Variants in ZNF66 observed in about 807,000 individuals in gnomAD.
ZNF66 encodes putative zinc finger protein 66.
In ZNF66, 32 loss-of-function variants were observed where a neutral mutation model predicts 35.2. The ratio of observed to expected loss-of-function variants is 0.91; its 90% CI spans 0.69 to 1.22. The LOEUF is 1.22. Ranked by LOEUF, ZNF66 falls within the 50% of genes most tolerant of loss-of-function variation. The probability of loss-of-function intolerance (pLI) is 0.00; values close to 1 mark genes in which losing one functional copy is unlikely to be tolerated. For synonymous variants in ZNF66, 231 were observed against 181.3 expected, an observed-to-expected ratio of 1.27 and a Z score of -2.20; for missense variants, 666 against 543.1, an observed-to-expected ratio of 1.23 and a Z score of -2.25.
intron 1 of ZNF66, among the ~76,000 whole-genome samples, chr19:20,786,001 A>C (rs1009659159): frequency 7.7e-6 from 1 of 129,168 alleles, no homozygotes. Flanking sequence ...ACCTCAGTTG[A>C]TCTGCCCACC....
In ZNF66 at chr19:20,808,610, C is replaced by A. The variant is rs140189837; in HGVS notation, c.*1288C>A. Among the ~76,000 whole-genome samples the A allele has an allele frequency of 6.6e-6, 1 of 152,108 alleles. No individual in the cohort carries two copies. The highest frequency in any genetic ancestry group is 6.6e-5 in the Admixed American group (1 of 15,262). ...GCGTCTGGAGTGGACCTCTAGCAAA[C>A]TCCAACAGACCTGCAGCTGAGGGTC... On this transcript the variant is annotated 3_prime_UTR_variant, in exon 4 of 4. Transcript: ENST00000344519.
intron 1 of ZNF66, among the ~76,000 whole-genome samples, chr19:20,777,549 G>A (rs909044827): frequency 1.7e-4 from 25 of 151,020 alleles, no homozygotes; most frequent in African/African-American, 5.4e-4. Flanking sequence ...TCCCACAGGG[G>A]ACTGACTTTC....
chr19:20,790,545 A>C (rs144792593), intron 1 of ZNF66, among the ~76,000 whole-genome samples: 1,512 of 131,984 alleles, frequency 0.011, 23 homozygotes, highest in African/African-American at 0.037. Flanking sequence ...TTTCATCTTC[A>C]TGGAGCAGCT....
intron 1 of ZNF66, among the ~76,000 whole-genome samples, chr19:20,783,783 C>G (rs975032505): frequency 2.6e-5 from 4 of 152,204 alleles, no homozygotes; most frequent in African/African-American, 9.6e-5. Flanking sequence ...ACCTTGTTTT[C>G]TATTTATTAC....
rs1406001333 is a variant in ZNF66, at chr19:20,807,494, T to G, written c.*172T>G. On this transcript the variant is annotated 3_prime_UTR_variant, in exon 4 of 4. Transcript: ENST00000344519. Reference sequence around the variant, plus strand: ...ATGTGACAAAGCTTTTAGGAAGTTCTCAACCCTTATTACACATAATTCATA... The same window carrying G: ...ATGTGACAAAGCTTTTAGGAAGTTCGCAACCCTTATTACACATAATTCATA... 6.6e-6 allele frequency among the ~76,000 whole-genome samples: 1 copy of G among 152,044 alleles called. No homozygotes were observed. The highest frequency in any genetic ancestry group is 1.5e-5 in the Non-Finnish European group (1 of 68,012).
chr19:20,806,351 C>A lies in ZNF66; in HGVS notation c.751C>A (p.His251Asn), dbSNP rs1225802905. 1 of 1,562,608 alleles carries A rather than the reference C, an allele frequency of 6.4e-7. No homozygotes were observed. The highest frequency in any genetic ancestry group is 1.4e-5 in the African/African-American group (1 of 73,870). Residue 251 changes from histidine (H) to asparagine (N), a missense_variant, in exon 4 of 4, where the codon CAT (histidine) becomes AAT (asparagine). Transcript: ENST00000344519. ...SSNLTTHKKIHTGEKPYKCEE... is the reference protein window; with the variant it reads ...SSNLTTHKKINTGEKPYKCEE... ...TAACCTTACTACACATAAGAAAATTCATACTGGAGAGAAACCCTACAAATG... is the reference window on the plus strand; with the variant it reads ...TAACCTTACTACACATAAGAAAATTAATACTGGAGAGAAACCCTACAAATG...
intron 1 of ZNF66, among the ~76,000 whole-genome samples, chr19:20,787,484 TA>T (rs1277008023): frequency 6.6e-6 from 1 of 152,212 alleles, no homozygotes; most frequent in Non-Finnish European, 1.5e-5. Flanking sequence ...GCCTGGGATT[TA>T]CAAAAAAGCC....
At chr19:20,784,011 C>T (rs1971266352) in intron 1 of ZNF66, among the ~76,000 whole-genome samples, 1 of 152,094 alleles carries the variant, frequency 6.6e-6, no homozygotes, top group African/African-American at 2.4e-5. Flanking sequence ...TGCACACCAC[C>T]ATGCCTGGCT....
intron 3 of ZNF66, among the ~76,000 whole-genome samples, chr19:20,804,578 G>A (rs1971481641): frequency 6.6e-6 from 1 of 152,068 alleles, no homozygotes. Flanking sequence ...GGCTTCCTCT[G>A]TTGTCCAGGC....
chr19:20,779,327 G>A (rs1468996795), intron 1 of ZNF66, among the ~76,000 whole-genome samples: 1 of 152,116 alleles, frequency 6.6e-6, no homozygotes, highest in Non-Finnish European at 1.5e-5. Flanking sequence ...TTAGGGAGAG[G>A]TAAACAAGAT....
At chr19:20,781,802 A>G (rs889442916) in intron 1 of ZNF66, among the ~76,000 whole-genome samples, 1 of 152,048 alleles carries the variant, frequency 6.6e-6, no homozygotes, top group Non-Finnish European at 1.5e-5. Flanking sequence ...GCACTGCGCC[A>G]GGCCTCTGCA....
chr19:20,781,726 T>A (rs1363694331), intron 1 of ZNF66, among the ~76,000 whole-genome samples: 1 of 152,116 alleles, frequency 6.6e-6, no homozygotes, highest in African/African-American at 2.4e-5. Flanking sequence ...CAGGCTGGTC[T>A]CCAACTCCTA....
intron 3 of ZNF66, among the ~76,000 whole-genome samples, chr19:20,802,976 A>G (rs958751192): frequency 6.7e-6 from 1 of 149,414 alleles, no homozygotes. Flanking sequence ...GACTTAAAGT[A>G]CATTTTATAA....
chr19:20,792,389 G>T (rs1971346106), intron 1 of ZNF66, 123 bp from the exon 2 acceptor site: 2 of 855,876 alleles, frequency 2.3e-6, no homozygotes, highest in African/African-American at 1.8e-5. Context: ...TATTTTATAG[G>T]ATAACTTTAG....
At chr19:20,792,251 T>C (rs12985960) in intron 1 of ZNF66, among the ~76,000 whole-genome samples, 13,933 of 152,272 alleles carry the variant, frequency 0.092, 761 homozygotes, top group Non-Finnish European at 0.12. Flanking sequence ...ATGTACATGT[T>C]TGTGTTCATG....
chr19:20,788,468 G>A (rs1971307126), intron 1 of ZNF66, among the ~76,000 whole-genome samples: 1 of 152,066 alleles, frequency 6.6e-6, no homozygotes, highest in Non-Finnish European at 1.5e-5. Flanking sequence ...ACAGTGGTGT[G>A]ATCTTGGCTC....
intron 1 of ZNF66, among the ~76,000 whole-genome samples, chr19:20,782,696 C>T (rs551620987): frequency 6.6e-6 from 1 of 152,118 alleles, no homozygotes; most frequent in Admixed American, 6.6e-5. Context: ...TGTGTTTTTG[C>T]CTACAATTTA....
At chr19:20,791,574 C>T (rs1336073127) in intron 1 of ZNF66, among the ~76,000 whole-genome samples, 2 of 150,788 alleles carry the variant, frequency 1.3e-5, no homozygotes, top group Non-Finnish European at 2.9e-5. Flanking sequence ...TTAGGAGATA[C>T]CTGCTTTCTA....
intron 1 of ZNF66, among the ~76,000 whole-genome samples, chr19:20,781,479 A>G (rs1971244664): frequency 6.6e-6 from 1 of 150,670 alleles, no homozygotes; most frequent in Non-Finnish European, 1.5e-5. Context: ...ATGATAGTAC[A>G]TTCATTTGGT....
Sources: gnomAD v4.1 joint callset for allele counts (sites outside exome capture counted in the v4.1 genomes callset) on GRCh38, gnomAD v4.1.1 for gene constraint, MANE v1.5 for transcripts, NCBI Gene and HGNC (gene_info 2026-07-23, HGNC 2026-07-21) for gene names.